The following GLB1L2 variants were observed in gnomAD, a reference collection of about 807,000 sequenced individuals.
The protein encoded by GLB1L2 is beta-galactosidase-1-like protein 2.
In GLB1L2, 68 loss-of-function variants were observed where a neutral mutation model predicts 84.1. The ratio of observed to expected loss-of-function variants is 0.81; its 90% CI spans 0.67 to 0.99. The LOEUF (loss-of-function observed/expected upper bound fraction) is 0.99. Ranked by LOEUF, GLB1L2 falls within the 50% of genes least tolerant of loss-of-function variation. GLB1L2 has a pLI of 0.00. For missense variants in GLB1L2, 762 were observed against 805.6 expected, an observed-to-expected ratio of 0.95 and a Z score of 0.66; for synonymous variants, 290 against 318.0, an observed-to-expected ratio of 0.91 and a Z score of 0.94.
In GLB1L2 at chr11:134,370,985, C is replaced by A. The variant is rs758316747; in HGVS notation, c.1216-23C>A. Reference sequence around the variant, plus strand: ...CCCCACTCCTCCTGAGCCTGCCCACCCCTCCATCTCTTCTGTACGCAGCCA... The same window carrying A: ...CCCCACTCCTCCTGAGCCTGCCCACACCTCCATCTCTTCTGTACGCAGCCA... On this transcript the variant is annotated intron_variant, in intron 12 of 18. Coordinates refer to ENST00000535456, the MANE Select transcript of GLB1L2 (RefSeq NM_001370461.1). The surrounding 1 kb of genome is among the most constrained non-coding windows in gnomAD (Gnocchi z 4.7). 3 of 1,613,382 alleles carry A rather than the reference C, an allele frequency of 1.9e-6. No homozygotes were observed. Among genetic ancestry groups the A allele is most frequent in the African/African-American group, 2.7e-5 (2 of 75,008 alleles).
chr11:134,366,866 A>G (rs11223771), intron 8 of GLB1L2, among the ~76,000 whole-genome samples: 55,820 of 149,380 alleles, frequency 0.37, 10,871 homozygotes, highest in East Asian at 0.5. Flanking sequence ...GGGGGGAGGG[A>G]TCTGCATCCA....
rs150700892 is a variant in GLB1L2 at position 134,337,572 on chromosome 11, C to T, written c.87-5182C>T. Among the ~76,000 whole-genome samples the T allele has an allele frequency of 1.8e-4, 27 of 152,338 alleles. 1 individual carries two copies. Among genetic ancestry groups the T allele is most frequent in the African/African-American group, 5.3e-4 (22 of 41,576 alleles). Reference sequence around the variant, plus strand: ...GTGGAGAGAACATGGCTGAAGGCTGCTGGGACCAAAATATCCCCAAACAGA... The same window carrying T: ...GTGGAGAGAACATGGCTGAAGGCTGTTGGGACCAAAATATCCCCAAACAGA... On this transcript the variant is annotated intron_variant, in intron 1 of 18. Transcript: ENST00000535456.
chr11:134,347,255 A>G (rs1195818339), intron 4 of GLB1L2, 70 bp from the exon 5 acceptor site: 16 of 1,157,572 alleles, frequency 1.4e-5, no homozygotes, highest in Admixed American at 1.4e-4. Flanking sequence ...CTTCTCACGC[A>G]TCAACAGCCT....
At position 134,358,155 on chromosome 11, in the gene GLB1L2, G is replaced by A. The variant is rs1235758882; in HGVS notation, c.652-905G>A. ...GTCTATCCACTTCCAAAAGATTTCA[G>A]CGGAAATAAACAGTCTTGGCATAAT... On this transcript the variant is annotated intron_variant, in intron 6 of 18. Transcript: ENST00000535456. Among the ~76,000 whole-genome samples, 4 of 152,196 alleles carry A rather than the reference G, an allele frequency of 2.6e-5. No homozygotes were observed. In the East Asian group the frequency reaches 7.7e-4, roughly 29 times the overall value.
intron 5 of GLB1L2, among the ~76,000 whole-genome samples, chr11:134,352,687 G>A (rs1339558172): frequency 2.1e-5 from 3 of 141,454 alleles, no homozygotes; most frequent in Admixed American, 7.5e-5. Flanking sequence ...CGCTCTTGTC[G>A]CCCAGGCAGG....
chr11:134,367,450 GA>G, intron 9 of GLB1L2, 109 bp downstream of exon 9: 1 of 856,936 alleles, frequency 1.2e-6, no homozygotes, highest in Non-Finnish European at 1.8e-6. Context: ...AGGCTGCTGG[GA>G]TTATCTGTGT....
At chr11:134,343,032 A>G in intron 2 of GLB1L2, 81 bp downstream of exon 2, 2 of 1,414,726 alleles carry the variant, frequency 1.4e-6, no homozygotes, top group Admixed American at 4.2e-5. Context: ...TATAAGAGGA[A>G]CCGGCCCAGG....
chr11:134,365,165 G>A (rs1219708993), intron 8 of GLB1L2: 1 of 152,438 alleles, frequency 6.6e-6, no homozygotes, highest in Non-Finnish European at 1.5e-5. Context: ...TTCAGAGCAG[G>A]GGCTGTGTCC....
intron 7 of GLB1L2, among the ~76,000 whole-genome samples, chr11:134,359,374 G>A (rs1943750890): frequency 6.6e-6 from 1 of 152,266 alleles, no homozygotes; most frequent in Admixed American, 6.5e-5. Context: ...CTGGGCACTC[G>A]GGCTCCAAGG....
In GLB1L2 at chr11:134,356,387, C is replaced by T. The variant is rs755402442; in HGVS notation, c.645C>T (p.Val215=). The change falls in exon 6 of 19, where the codon GTC becomes GTT. Residue 215 remains valine, a synonymous_variant. Coordinates refer to ENST00000535456, the MANE Select transcript of GLB1L2 (RefSeq NM_001370461.1). The part of the protein sequence containing the change: ...YNKDPAYMPY[V]KKALEDRGIV... Reference sequence around the variant, plus strand: ...AAGACCCCGCATACATGCCCTACGTCAAGAAGGTAAGAATCCTCTTAGTGC... The same window carrying T: ...AAGACCCCGCATACATGCCCTACGTTAAGAAGGTAAGAATCCTCTTAGTGC... 10 of 1,610,198 alleles carry T rather than the reference C, an allele frequency of 6.2e-6. No homozygotes were observed. In the South Asian group the frequency reaches 1.1e-4, roughly 18 times the overall value.
In GLB1L2 at chr11:134,374,709, A is replaced by T. The variant is rs766366506; in HGVS notation, c.1815A>T (p.Gly605=). The T allele has an allele frequency of 2.5e-6, 4 of 1,611,322 alleles. No individual in the cohort carries two copies. In the South Asian group the frequency reaches 4.4e-5, roughly 18 times the overall value. The change falls in exon 18 of 19, where the codon GGA becomes GGT. Residue 605 remains glycine (G), a synonymous_variant. Transcript: ENST00000535456. ...LYLPGPWLSS[G]INQVIVFEET... is the part of the protein sequence containing the mutation. ...TCCCAGGTCCCTGGTTGAGCAGCGG[A>T]ATCAACCAGGTGGGAGCTTCCAGCC... is the stretch of plus-strand genomic sequence containing the variant.
At chr11:134,358,379 C>G (rs769369518) in intron 6 of GLB1L2, among the ~76,000 whole-genome samples, 3 of 152,254 alleles carry the variant, frequency 2.0e-5, no homozygotes, top group East Asian at 1.9e-4. Context: ...GTAGGACAGT[C>G]TGTGTATGAG....
intron 10 of GLB1L2, among the ~76,000 whole-genome samples, chr11:134,369,233 C>T (rs1418094660): frequency 1.3e-5 from 2 of 152,220 alleles, no homozygotes; most frequent in Non-Finnish European, 2.9e-5. Context: ...CACTCTGACA[C>T]CCAGGCTGGA....
chr11:134,349,197 A>G (rs1943592334), intron 5 of GLB1L2, among the ~76,000 whole-genome samples: 1 of 152,218 alleles, frequency 6.6e-6, no homozygotes, highest in Non-Finnish European at 1.5e-5. Flanking sequence ...AAGTGAAATC[A>G]CATAGTATTG....
chr11:134,353,714 T>G (rs889790533), intron 5 of GLB1L2, among the ~76,000 whole-genome samples: 2 of 152,218 alleles, frequency 1.3e-5, no homozygotes, highest in Admixed American at 1.3e-4. Flanking sequence ...AATTCTGGCA[T>G]TTGGTGCATA....
chr11:134,373,958 C>A, intron 16 of GLB1L2, 150 bp downstream of exon 16: 1 of 745,248 alleles, frequency 1.3e-6, no homozygotes, highest in Non-Finnish European at 2.3e-6. Context: ...AGGGGTGGCA[C>A]CCGCACTAGA....
chr11:134,362,996 C>T (rs1247898472), intron 7 of GLB1L2, among the ~76,000 whole-genome samples: 4 of 152,196 alleles, frequency 2.6e-5, no homozygotes, highest in Non-Finnish European at 5.9e-5. Context: ...TCTACCTGTC[C>T]ACTCTCCGCT....
In GLB1L2 at chr11:134,342,857, T is replaced by C. The variant is rs1300313453; in HGVS notation, c.190T>C (p.Phe64Leu). ...GCTGGAGGATTCCACCTTCTGGATC[T>C]TCGGGGGCTCCATCCACTATTTCCG... Reference protein sequence around the residue: ...FMLEDSTFWIFGGSIHYFRVP... With the variant: ...FMLEDSTFWILGGSIHYFRVP... The change falls in exon 2 of 19, where the codon TTC becomes CTC. Residue 64 changes from phenylalanine to leucine, a missense_variant. Around this residue, in one of 3 missense-constraint regions of GLB1L2, gnomAD observed 100 missense variants for 88.8 expected, o/e 1.13. Coordinates refer to ENST00000535456, the MANE Select transcript of GLB1L2 (RefSeq NM_001370461.1). 2 of 1,613,898 alleles carry C rather than the reference T, an allele frequency of 1.2e-6. No individual in the cohort carries two copies. Among genetic ancestry groups the C allele is most frequent in the African/African-American group, 2.7e-5 (2 of 74,932 alleles).
chr11:134,352,649 C>CTTT (rs543898112), intron 5 of GLB1L2, among the ~76,000 whole-genome samples: 2 of 133,416 alleles, frequency 1.5e-5, no homozygotes, highest in African/African-American at 3.1e-5. Context: ...AATATGTCTT[C>CTTT]TTTTTTTTTT....
Sources: gnomAD v4.1 joint callset for allele counts (sites outside exome capture counted in the v4.1 genomes callset) on GRCh38, gnomAD v4.1.1 for gene constraint, gnomAD v4.1.1 regional missense constraint, Gnocchi (gnomAD v3.1) non-coding constraint, MANE v1.5 for transcripts, NCBI Gene and HGNC (gene_info 2026-07-23, HGNC 2026-07-21) for gene names.